The following DSCAM variants were observed in gnomAD, a reference collection of about 807,000 sequenced individuals.
The protein encoded by DSCAM is DS cell adhesion molecule.
Under a neutral mutation model 217.7 loss-of-function variants are expected in DSCAM, and 47 were observed. That is an observed-to-expected ratio of 0.22 (90% CI 0.17 to 0.28). The LOEUF (loss-of-function observed/expected upper bound fraction) is 0.28, where lower values mean the gene tolerates loss of function less well. Ranked by LOEUF, DSCAM falls within the 10% of genes least tolerant of loss-of-function variation. DSCAM has a pLI of 1.00. For synonymous variants in DSCAM, 1,056 were observed against 1,015.3 expected (o/e 1.04, Z -0.76); for missense variants, 2,080 against 2,618.3 (o/e 0.79, Z 4.49).
intron 1 of DSCAM, among the ~76,000 whole-genome samples, chr21:40,801,294 A>T (rs2091738431): frequency 6.6e-6 from 1 of 152,202 alleles, no homozygotes. Context: ...CAAAGGAATA[A>T]TTTAAAAACA....
chr21:40,065,070 AT>A (rs2089186379), intron 27 of DSCAM, among the ~76,000 whole-genome samples: 1 of 152,134 alleles, frequency 6.6e-6, no homozygotes, highest in Admixed American at 6.6e-5. Flanking sequence ...TAATGTGAAG[AT>A]AGAGGAAATC....
intron 19 of DSCAM, among the ~76,000 whole-genome samples, chr21:40,133,342 A>G (rs1441894707): frequency 1.3e-5 from 2 of 152,194 alleles, no homozygotes; most frequent in African/African-American, 4.8e-5. Context: ...TTACTAAATC[A>G]CCATGAATTC....
chr21:40,403,300 CTT>C (rs200979884), intron 3 of DSCAM, among the ~76,000 whole-genome samples: 37 of 141,416 alleles, frequency 2.6e-4, no homozygotes, highest in Non-Finnish European at 3.0e-4. Flanking sequence ...ATTAGTAAAT[CTT>C]TTTTTTTTTT....
At chr21:40,555,231 T>C (rs577331587) in intron 3 of DSCAM, among the ~76,000 whole-genome samples, 1 of 152,326 alleles carries the variant, frequency 6.6e-6, no homozygotes, top group East Asian at 1.9e-4. Context: ...CCAGATGGCA[T>C]TCCATTTGCT....
rs1435696266 is a variant in DSCAM at position 40,844,479 on chromosome 21, GT to G, written c.43+2139del. On this transcript the variant is annotated intron_variant, in intron 1 of 32. Coordinates refer to ENST00000400454, the MANE Select transcript of DSCAM (RefSeq NM_001389.5). ...ACAGCAATGTAAAATATTCATTTGTGTTTGCTGTTTATGTCTAATATTGTGG... is the reference window on the plus strand; with the variant it reads ...ACAGCAATGTAAAATATTCATTTGTGTTGCTGTTTATGTCTAATATTGTGG... Among the ~76,000 whole-genome samples, 45 of 152,180 alleles carry G rather than the reference GT, an allele frequency of 3.0e-4. 2 individuals are homozygous for G. The highest frequency in any genetic ancestry group is 8.9e-4 in the African/African-American group (37 of 41,526).
At position 40,609,563 on chromosome 21, in the gene DSCAM, T is replaced by G. The variant is rs1416203281; in HGVS notation, c.508+83247A>C. Among the ~76,000 whole-genome samples, 3 of 152,194 alleles carry G rather than the reference T, an allele frequency of 2.0e-5. No homozygotes were observed. The East Asian group carries it at 5.8e-4, about 29-fold the overall frequency. On this transcript the variant is annotated intron_variant, in intron 3 of 32. Transcript: ENST00000400454. ...AGATTTATGCTTGTGGGGAAATGCT[T>G]GGCATCTCTGCTCTGTGAGAATAAC...
chr21:40,783,395 G>A (rs1314890733), intron 1 of DSCAM, among the ~76,000 whole-genome samples: 1 of 152,160 alleles, frequency 6.6e-6, no homozygotes, highest in African/African-American at 2.4e-5. Context: ...AATTGATGTG[G>A]AATGTGTAGC....
chr21:40,238,903 G>A (rs966747308), intron 11 of DSCAM, among the ~76,000 whole-genome samples: 6 of 152,146 alleles, frequency 3.9e-5, no homozygotes, highest in African/African-American at 9.7e-5. Flanking sequence ...CCCCATATAA[G>A]GTGATGATCC....
intron 11 of DSCAM, among the ~76,000 whole-genome samples, chr21:40,265,950 C>T (rs1276928138): frequency 6.6e-6 from 1 of 151,984 alleles, no homozygotes; most frequent in East Asian, 1.9e-4. Flanking sequence ...TTGGCCTGGG[C>T]AAAGAATTAT....
chr21:40,026,457 A>G (rs2088385707), intron 32 of DSCAM, among the ~76,000 whole-genome samples: 1 of 140,302 alleles, frequency 7.1e-6, no homozygotes, highest in African/African-American at 2.7e-5. Context: ...GATCTGTCTA[A>G]TGTTGACAGT....
At chr21:40,734,669 T>C (rs2091045560) in intron 1 of DSCAM, among the ~76,000 whole-genome samples, 1 of 152,174 alleles carries the variant, frequency 6.6e-6, no homozygotes, top group Admixed American at 6.5e-5. Context: ...AAAATTCAAC[T>C]GGGACCTCCA....
rs370553162 is a variant in DSCAM, at chr21:40,013,058, G to A, written c.6015C>T (p.Tyr2005=). 1.6e-5 allele frequency: 24 copies of A among 1,528,580 alleles called. No individual in the cohort carries two copies. The highest frequency in any genetic ancestry group is 4.6e-5 in the East Asian group (2 of 43,296). 94.7% of individuals were successfully genotyped at this position (1,528,580 alleles called of 1,614,324 possible). A position where few individuals can be genotyped will look rare whatever the true frequency, so the allele number is the denominator to read the frequency against. Residue 2005 remains tyrosine, a synonymous_variant, in exon 33 of 33, where the codon TAC becomes TAT. Transcript: ENST00000400454. Reference sequence around the variant, plus strand: ...GTTATACCAGGGTGTAAGATTTTGCGTAAGGATTGTTTCCTTTCAAATGGC... The same window carrying A: ...GTTATACCAGGGTGTAAGATTTTGCATAAGGATTGTTTCCTTTCAAATGGC... ...SRGHLKGNNP[Y]AKSYTLV
At chr21:40,432,138 A>T (rs2075539186) in intron 3 of DSCAM, among the ~76,000 whole-genome samples, 1 of 152,140 alleles carries the variant, frequency 6.6e-6, no homozygotes, top group South Asian at 2.1e-4. Flanking sequence ...AGGAGGTTGC[A>T]GTGAGCCGAG....
At chr21:40,601,658 C>T (rs1037075732) in intron 3 of DSCAM, among the ~76,000 whole-genome samples, 2 of 152,124 alleles carry the variant, frequency 1.3e-5, no homozygotes, top group Non-Finnish European at 2.9e-5. Context: ...TATGTAGATT[C>T]TTTTTTCCAA....
Position 40,216,102 on chromosome 21 carries a change from C to T in DSCAM, c.2357-26864G>A, listed in dbSNP as rs191551469. Among the ~76,000 whole-genome samples, 78 of 151,978 alleles carry T rather than the reference C, an allele frequency of 5.1e-4. 2 individuals carry two copies. The highest frequency in any genetic ancestry group is 4.9e-3 in the Admixed American group (75 of 15,270). Reference sequence around the variant, plus strand: ...TTGGCCTCCTATAAAACAAATGAGCCCTTTTTGTTTTGTATTTGTTTTAGA... The same window carrying T: ...TTGGCCTCCTATAAAACAAATGAGCTCTTTTTGTTTTGTATTTGTTTTAGA... On this transcript the variant is annotated intron_variant, in intron 11 of 32. Coordinates refer to ENST00000400454, the MANE Select transcript of DSCAM (RefSeq NM_001389.5).
At chr21:40,646,806 G>A (rs2089952773) in intron 3 of DSCAM, among the ~76,000 whole-genome samples, 1 of 152,286 alleles carries the variant, frequency 6.6e-6, no homozygotes, top group Admixed American at 6.5e-5. Flanking sequence ...CCCTCCAGGG[G>A]CCCTGGACCA....
intron 1 of DSCAM, among the ~76,000 whole-genome samples, chr21:40,763,282 A>T (rs2091354888): frequency 6.6e-6 from 1 of 152,090 alleles, no homozygotes; most frequent in Admixed American, 6.6e-5. Flanking sequence ...AATCACAAGC[A>T]CTCCTATACA....
In DSCAM at chr21:40,078,854, G is replaced by A. The variant is rs1426326317; in HGVS notation, c.4544C>T (p.Pro1515Leu). The change falls in exon 26 of 33, where the codon CCC becomes CTC. Residue 1515 changes from proline (P) to leucine (L), a missense_variant. Physicochemically the swap from Pro to Leu is moderately conservative, Grantham distance 98 (BLOSUM62 -3). This residue lies in a region of DSCAM where 1,144 missense variants were observed against 1,421.1 expected (regional missense o/e 0.81). Transcript: ENST00000400454. Reference protein sequence around the residue: ...PITSFTLEYRPFGTTVWTTAQ... With the variant: ...PITSFTLEYRLFGTTVWTTAQ... ...TGTGGTCCAAACTGTGGTCCCAAAG[G>A]GCCTGTACTCTAGTGTGAAGGAGGT... is the stretch of plus-strand genomic sequence containing the variant. 1.9e-6 allele frequency: 3 copies of A among 1,614,052 alleles called. No homozygotes were observed. Among genetic ancestry groups the A allele is most frequent in the Non-Finnish European group, 2.5e-6 (3 of 1,180,054 alleles).
intron 16 of DSCAM, among the ~76,000 whole-genome samples, chr21:40,148,090 A>G (rs1308503348): frequency 6.6e-6 from 1 of 152,212 alleles, no homozygotes; most frequent in Admixed American, 6.5e-5. Context: ...ATCACAAGGA[A>G]CAAACAAGAG....
Sources: gnomAD v4.1 joint callset for allele counts (sites outside exome capture counted in the v4.1 genomes callset) on GRCh38, gnomAD v4.1.1 for gene constraint, gnomAD v4.1.1 regional missense constraint, MANE v1.5 for transcripts, NCBI Gene and HGNC (gene_info 2026-07-23, HGNC 2026-07-21) for gene names.